The following ECHDC1 variants were observed in gnomAD, a reference collection of about 807,000 sequenced individuals.
The protein encoded by ECHDC1 is ethylmalonyl-CoA decarboxylase 1, also known as ethylmalonyl-CoA decarboxylase.
A neutral mutation model predicts 29.7 loss-of-function variants in ECHDC1; 29 were observed. That is an observed-to-expected ratio of 0.98 (90% CI 0.73 to 1.33). The LOEUF (loss-of-function observed/expected upper bound fraction) is 1.33. ECHDC1 is among the 40% of genes most tolerant of loss of function. The pLI is 0.00. For missense variants in ECHDC1, 328 were observed against 350.0 expected (o/e 0.94, Z 0.50); for synonymous variants, 126 against 123.1 (o/e 1.02, Z -0.15).
chr6:127,334,097 T>G (rs560838369), intron 1 of ECHDC1, among the ~76,000 whole-genome samples: 1 of 152,278 alleles, frequency 6.6e-6, no homozygotes, highest in Non-Finnish European at 1.5e-5. Context: ...CTACAAGACA[T>G]GAATCTCACA....
chr6:127,309,832 G>C (rs1160544342), intron 5 of ECHDC1, among the ~76,000 whole-genome samples: 1 of 152,186 alleles, frequency 6.6e-6, no homozygotes, highest in Non-Finnish European at 1.5e-5. Flanking sequence ...TCACATGACA[G>C]AGCAGGAGAG....
intron 5 of ECHDC1, among the ~76,000 whole-genome samples, chr6:127,301,048 A>C (rs898485043): frequency 6.6e-6 from 1 of 152,248 alleles, no homozygotes; most frequent in African/African-American, 2.4e-5. Context: ...ACTAAAATGG[A>C]AACATAATGC....
intron 3 of ECHDC1, among the ~76,000 whole-genome samples, chr6:127,326,176 C>A (rs1783313280): frequency 6.6e-6 from 1 of 152,132 alleles, no homozygotes; most frequent in East Asian, 1.9e-4. Context: ...TGGAAGGTGA[C>A]TGGATCATCG....
intron 2 of ECHDC1, 35 bp from the exon 3 acceptor site, chr6:127,327,179 T>A: frequency 6.2e-7 from 1 of 1,600,162 alleles, no homozygotes; most frequent in East Asian, 2.2e-5. Flanking sequence ...CACAAATATA[T>A]GAAGGTGACT....
At chr6:127,331,472 T>C (rs1783939582) in intron 1 of ECHDC1, among the ~76,000 whole-genome samples, 1 of 152,140 alleles carries the variant, frequency 6.6e-6, no homozygotes, top group Admixed American at 6.5e-5. Context: ...AAGCACTCTT[T>C]CAGGAAATGA....
chr6:127,338,536 C>A (rs1583020631), intron 1 of ECHDC1, among the ~76,000 whole-genome samples: 1 of 152,032 alleles, frequency 6.6e-6, no homozygotes, highest in Middle Eastern at 3.4e-3. Flanking sequence ...TGCTTTATTG[C>A]CCTTCTTTCT....
At chr6:127,301,128 T>C (rs922587431) in intron 5 of ECHDC1, among the ~76,000 whole-genome samples, 1 of 152,210 alleles carries the variant, frequency 6.6e-6, no homozygotes, top group Non-Finnish European at 1.5e-5. Flanking sequence ...TTAAAAATGT[T>C]TTTTAAAAGC....
rs766949832 is a variant in ECHDC1 at position 127,330,952 on chromosome 6, T to C, written c.77A>G (p.Tyr26Cys). The C allele has an allele frequency of 3.1e-6, 5 of 1,614,136 alleles. No individual in the cohort carries two copies. The highest frequency in any genetic ancestry group is 1.1e-5 in the South Asian group (1 of 91,078). ...KLLHQTGLSL[Y>C]STSHGFYEEE... is the part of the protein sequence containing the mutation. ...CTCATAAAATCCATGGGATGTACTATAAAGTGACAATCCTGTTTGATGTAG... is the reference window on the plus strand; with the variant it reads ...CTCATAAAATCCATGGGATGTACTACAAAGTGACAATCCTGTTTGATGTAG... The change falls in exon 2 of 6, where the codon TAT (tyrosine) becomes TGT (cysteine). Residue 26 changes from tyrosine to cysteine, a missense_variant. Tyr to Cys is a radical substitution (Grantham distance 194). Coordinates refer to ENST00000454859, the MANE Select transcript of ECHDC1 (RefSeq NM_001002030.2).
chr6:127,305,579 A>G (rs978870001), intron 5 of ECHDC1, among the ~76,000 whole-genome samples: 1 of 152,232 alleles, frequency 6.6e-6, no homozygotes, highest in African/African-American at 2.4e-5. Flanking sequence ...CAAATGATGA[A>G]CCAATCAAAA....
chr6:127,334,511 T>C (rs1208071552), intron 1 of ECHDC1, among the ~76,000 whole-genome samples: 4 of 152,182 alleles, frequency 2.6e-5, no homozygotes, highest in Non-Finnish European at 5.9e-5. Flanking sequence ...GATATGATTA[T>C]AATCCAATCA....
In ECHDC1 at chr6:127,289,086, CA is replaced by C. The variant is rs1779884605; in HGVS notation, c.*782del. 6.6e-6 allele frequency: 1 copy of C among 151,742 alleles called. No homozygotes were observed. The highest frequency in any genetic ancestry group is 1.5e-5 in the Non-Finnish European group (1 of 67,906). The allele number at this position is 151,742 out of a possible 1,614,324, so 9.4% of individuals were successfully genotyped here. ...AGTTGTTAGAAGGTTAGTTGTTTTT[CA>C]GGAAAAAAAAGAAATCTGATGTAAA... On this transcript the variant is annotated 3_prime_UTR_variant, in exon 6 of 6. Coordinates refer to ENST00000454859, the MANE Select transcript of ECHDC1 (RefSeq NM_001002030.2).
intron 2 of ECHDC1, 27 bp downstream of exon 2, chr6:127,330,782 C>T: frequency 1.3e-6 from 2 of 1,577,222 alleles, no homozygotes; most frequent in Non-Finnish European, 1.7e-6. Context: ...TAGTGTCATT[C>T]TTTAGGAATA....
intron 5 of ECHDC1, chr6:127,313,549 A>G (rs1562317595): frequency 2.2e-6 from 1 of 455,614 alleles, no homozygotes; most frequent in East Asian, 6.9e-5. Flanking sequence ...TATGTAGAGC[A>G]CTACATGCCA....
chr6:127,331,852 A>C, intron 1 of ECHDC1: 1 of 985,366 alleles, frequency 1.0e-6, no homozygotes, highest in Non-Finnish European at 1.2e-6. Flanking sequence ...TTTCAGGCAA[A>C]AAGCTGGAAA....
chr6:127,342,568 G>A, intron 1 of ECHDC1: 1 of 526,842 alleles, frequency 1.9e-6, no homozygotes, highest in Non-Finnish European at 3.3e-6. Context: ...CCAAGAGAAT[G>A]CTAGCTCTTC....
intron 3 of ECHDC1, among the ~76,000 whole-genome samples, chr6:127,320,692 TA>T (rs1396552865): frequency 3.3e-5 from 5 of 152,182 alleles, no homozygotes; most frequent in African/African-American, 4.8e-5. Context: ...TATTTAAATA[TA>T]TTTTTTTCTA....
intron 2 of ECHDC1, 37 bp from the exon 3 acceptor site, chr6:127,327,181 A>C (rs755250509): frequency 3.1e-6 from 5 of 1,599,928 alleles, no homozygotes; most frequent in Non-Finnish European, 4.3e-6. Context: ...CAAATATATG[A>C]AGGTGACTGG....
At chr6:127,340,150 T>C in intron 1 of ECHDC1, among the ~76,000 whole-genome samples, 1 of 152,232 alleles carries the variant, frequency 6.6e-6, no homozygotes, top group South Asian at 2.1e-4. Context: ...ATAATACATA[T>C]CGTATAAGGG....
intron 3 of ECHDC1, among the ~76,000 whole-genome samples, chr6:127,322,160 G>T (rs1393488577): frequency 6.6e-6 from 1 of 152,036 alleles, no homozygotes; most frequent in Admixed American, 6.5e-5. Flanking sequence ...ACAAAAATTA[G>T]CTGGGCATGG....
Sources: allele counts gnomAD v4.1 joint callset (sites outside exome capture counted in the v4.1 genomes callset), GRCh38; gene constraint gnomAD v4.1.1; transcripts MANE v1.5; gene names NCBI Gene and HGNC (gene_info 2026-07-23, HGNC 2026-07-21).